GRID2: variants seen among roughly 807,000 people sequenced by gnomAD.
The protein encoded by GRID2 is glutamate receptor ionotropic, delta-2.
In GRID2, 33 loss-of-function variants were observed where a neutral mutation model predicts 114.8. That is an observed-to-expected ratio of 0.29 (90% CI 0.22 to 0.38). The LOEUF is 0.38. GRID2 is among the 10% of genes least tolerant of loss of function. The pLI, the probability that GRID2 is intolerant of heterozygous loss-of-function variation, is 1.00. For missense variants in GRID2, 1,184 were observed against 1,257.7 expected (o/e 0.94, Z 0.89); for synonymous variants, 505 against 449.9 (o/e 1.12, Z -1.55).
At position 93,515,330 on chromosome 4, in the gene GRID2, G is replaced by A. The variant is rs1729608401; in HGVS notation, c.2112G>A (p.Met704Ile). ...TGAATCCTTTTGAGAGGGACAGCAT[G>A]TATTCCCAAATGTGGCGGATGATCA... Reference protein sequence around the residue: ...KGLNPFERDSMYSQMWRMINR... With the variant: ...KGLNPFERDSIYSQMWRMINR... Residue 704 changes from methionine (M) to isoleucine (I), a missense_variant, in exon 13 of 16, where the codon ATG becomes ATA. Coordinates refer to ENST00000282020, the MANE Select transcript of GRID2 (RefSeq NM_001510.4). The A allele has an allele frequency of 6.2e-7, 1 of 1,612,286 alleles. No individual in the cohort carries two copies. Among genetic ancestry groups the A allele is most frequent in the Non-Finnish European group, 8.5e-7 (1 of 1,178,556 alleles).
chr4:93,218,589 T>C (rs564837738), intron 6 of GRID2, among the ~76,000 whole-genome samples: 2 of 152,192 alleles, frequency 1.3e-5, no homozygotes. Context: ...TCCTCCATCA[T>C]AATTACCACA....
intron 2 of GRID2, among the ~76,000 whole-genome samples, chr4:92,960,549 C>T (rs1035284128): frequency 1.3e-5 from 2 of 151,900 alleles, no homozygotes; most frequent in African/African-American, 2.4e-5. Flanking sequence ...GCTCTGACGT[C>T]GGCTCTGTCT....
chr4:92,774,896 GT>G (rs1738717322), intron 2 of GRID2, among the ~76,000 whole-genome samples: 1 of 151,970 alleles, frequency 6.6e-6, no homozygotes, highest in Admixed American at 6.6e-5. Context: ...AAATACTTTA[GT>G]TTGATTTGAT....
intron 2 of GRID2, among the ~76,000 whole-genome samples, chr4:92,886,838 G>A (rs1194841778): frequency 6.6e-6 from 1 of 151,998 alleles, no homozygotes; most frequent in African/African-American, 2.4e-5. Flanking sequence ...TGTTAGCCAG[G>A]ATGGCCTTGA....
At chr4:93,452,183 T>C (rs1045875541) in intron 10 of GRID2, among the ~76,000 whole-genome samples, 1 of 152,154 alleles carries the variant, frequency 6.6e-6, no homozygotes, top group African/African-American at 2.4e-5. Context: ...GTGTATGTTA[T>C]GTCATGAAAT....
At chr4:93,782,306 T>C (rs1734495836) in intron 1 of GRID2, among the ~76,000 whole-genome samples, 1 of 152,154 alleles carries the variant, frequency 6.6e-6, no homozygotes, top group African/African-American at 2.4e-5. Context: ...CAGCCTTGTC[T>C]TAGAAAACGA....
intron 4 of GRID2, among the ~76,000 whole-genome samples, chr4:93,136,864 A>G (rs1735304649): frequency 6.6e-6 from 1 of 152,148 alleles, no homozygotes; most frequent in Admixed American, 6.6e-5. Context: ...TACTATCCAA[A>G]TCTTAAAGGC....
intron 14 of GRID2, among the ~76,000 whole-genome samples, chr4:93,662,308 CA>C (rs1251480144): frequency 1.3e-5 from 2 of 152,116 alleles, no homozygotes; most frequent in Non-Finnish European, 2.9e-5. Context: ...TCTATGGCAC[CA>C]CCACCACCTG....
chr4:92,698,886 G>A (rs1476584013), intron 2 of GRID2, among the ~76,000 whole-genome samples: 3 of 151,946 alleles, frequency 2.0e-5, no homozygotes, highest in East Asian at 1.9e-4. Context: ...CAAAAACTAC[G>A]TACAGAATAT....
intron 8 of GRID2, among the ~76,000 whole-genome samples, chr4:93,343,283 A>T (rs1415910461): frequency 1.3e-5 from 2 of 152,022 alleles, no homozygotes; most frequent in Admixed American, 1.3e-4. Context: ...TTTCATTCAC[A>T]TCTGACTATT....
chr4:93,170,877 C>A (rs1049607631), intron 4 of GRID2, among the ~76,000 whole-genome samples: 3 of 150,574 alleles, frequency 2.0e-5, no homozygotes, highest in Non-Finnish European at 2.9e-5. Context: ...AACCTATATG[C>A]AATTCAAGAA....
intron 12 of GRID2, among the ~76,000 whole-genome samples, chr4:93,496,500 C>T (rs1235628199): frequency 1.3e-5 from 2 of 151,782 alleles, no homozygotes; most frequent in African/African-American, 4.8e-5. Flanking sequence ...CGGCAAAGAT[C>T]TCTCTCATTC....
chr4:92,980,323 G>A (rs1340122473), intron 2 of GRID2, among the ~76,000 whole-genome samples: 2 of 151,698 alleles, frequency 1.3e-5, no homozygotes, highest in South Asian at 2.1e-4. Context: ...AATGTTATGA[G>A]AATTTAAAAT....
chr4:93,104,115 C>T (rs1037011737), intron 3 of GRID2, among the ~76,000 whole-genome samples: 17 of 151,844 alleles, frequency 1.1e-4, no homozygotes, highest in Non-Finnish European at 1.6e-4. Context: ...GTTTAGCTTC[C>T]GCTTATTAGT....
intron 13 of GRID2, among the ~76,000 whole-genome samples, chr4:93,619,335 G>C (rs1742000132): frequency 6.6e-6 from 1 of 152,176 alleles, no homozygotes; most frequent in African/African-American, 2.4e-5. Flanking sequence ...CTACCGCCCA[G>C]AACCATGTGT....
intron 13 of GRID2, among the ~76,000 whole-genome samples, chr4:93,616,025 T>G (rs1578405824): frequency 6.6e-6 from 1 of 152,226 alleles, no homozygotes; most frequent in Admixed American, 6.5e-5. Flanking sequence ...TCCAACATTT[T>G]AGCCATTCAT....
exon 2 of GRID2, chr4:93,807,301 G>A (rs1206163443): frequency 1.3e-5 from 2 of 152,206 alleles, no homozygotes; most frequent in Non-Finnish European, 2.9e-5. Flanking sequence ...AGACATGAAG[G>A]ACCAAGGAGA....
rs189848352 is a variant in GRID2, at chr4:92,651,131, T to G, written c.244+60845T>G. Among the ~76,000 whole-genome samples, 5 of 152,232 alleles carry G rather than the reference T, an allele frequency of 3.3e-5. No individual in the cohort carries two copies. The East Asian group carries it at 9.7e-4, about 30-fold the overall frequency. On this transcript the variant is annotated intron_variant, in intron 2 of 15. Transcript: ENST00000282020. ...TCTATAAGTGCATAGATGGTAGTTT[T>G]GGCAGAAACATTGTATGCCGGAAAG...
intron 5 of GRID2, among the ~76,000 whole-genome samples, chr4:93,212,823 A>C (rs563421192): frequency 1.1e-4 from 16 of 150,000 alleles, no homozygotes; most frequent in Non-Finnish European, 2.4e-4. Flanking sequence ...CCCAGACTGG[A>C]GTACAATGGC....
Sources: allele counts gnomAD v4.1 joint callset (sites outside exome capture counted in the v4.1 genomes callset), GRCh38; gene constraint gnomAD v4.1.1; transcripts MANE v1.5; gene names NCBI Gene and HGNC (gene_info 2026-07-23, HGNC 2026-07-21).